MGST1: variants seen among roughly 807,000 people sequenced by gnomAD.
MGST1 encodes microsomal glutathione S-transferase 1.
Under a neutral mutation model 8.9 loss-of-function variants are expected in MGST1, and 5 were observed. That is an observed-to-expected ratio of 0.56 (90% CI 0.29 to 1.19). The LOEUF is 1.19. MGST1 is among the 50% of genes most tolerant of loss of function. MGST1 has a pLI of 0.08. For synonymous variants in MGST1, 54 were observed against 67.8 expected, an observed-to-expected ratio of 0.80 and a Z score of 1.00; for missense variants, 182 against 187.4, an observed-to-expected ratio of 0.97 and a Z score of 0.17.
In MGST1 at chr12:16,584,628, G is replaced by A. The variant is rs1403445665; in HGVS notation, n.483-4900G>A. Among the ~76,000 whole-genome samples the A allele has an allele frequency of 6.6e-6, 1 of 152,128 alleles. No individual in the cohort carries two copies. The highest frequency in any genetic ancestry group is 6.6e-5 in the Admixed American group (1 of 15,254). ...TGTTTAGAGGTGGATGGCCTCAGAT[G>A]TCTTAGCTTTGGCACAGTGAGGGTC... On this transcript the variant is annotated intron_variant and non_coding_transcript_variant, in intron 4 of 4. Transcript: ENST00000538857. This position sits in a 1 kb window ranked among gnomAD's most constrained non-coding sequence, Gnocchi z 5.2.
intron 4 of MGST1, among the ~76,000 whole-genome samples, chr12:16,553,423 A>C (rs992974055): frequency 2.0e-5 from 3 of 152,128 alleles, no homozygotes; most frequent in African/African-American, 7.2e-5. Context: ...CATAACTTTA[A>C]AAAAGTCTGC....
intron 4 of MGST1, among the ~76,000 whole-genome samples, chr12:16,478,228 C>T (rs1464189643): frequency 6.6e-6 from 1 of 152,120 alleles, no homozygotes; most frequent in African/African-American, 2.4e-5. Context: ...CGGGGTTTCA[C>T]CATGTTGGCC....
chr12:16,521,359 G>T (rs569120835), intron 4 of MGST1, among the ~76,000 whole-genome samples: 4 of 152,120 alleles, frequency 2.6e-5, no homozygotes, highest in African/African-American at 9.6e-5. Context: ...AAAAATGACC[G>T]TTTATTGAAA....
chr12:16,369,181 C>T (rs531256063), downstream of MGST1, among the ~76,000 whole-genome samples: 57 of 152,228 alleles, frequency 3.7e-4, no homozygotes, highest in Admixed American at 1.1e-3. This position sits in a 1 kb window ranked among gnomAD's most constrained non-coding sequence, Gnocchi z 4.8. Flanking sequence ...TCTTGAGTCT[C>T]GAGGCTTTCT....
At chr12:16,578,049 T>C (rs562883862) in intron 4 of MGST1, among the ~76,000 whole-genome samples, 4 of 152,306 alleles carry the variant, frequency 2.6e-5, no homozygotes, top group African/African-American at 9.6e-5. Context: ...CAGTCCTCAG[T>C]AGGCAACAAC....
chr12:16,508,757 A>G (rs1297001621), intron 4 of MGST1, among the ~76,000 whole-genome samples: 1 of 152,212 alleles, frequency 6.6e-6, no homozygotes, highest in African/African-American at 2.4e-5. Flanking sequence ...TGTAGTGAAA[A>G]CTTCAGACAA....
intron 4 of MGST1, among the ~76,000 whole-genome samples, chr12:16,465,582 G>A (rs1941248355): frequency 1.3e-5 from 2 of 152,086 alleles, no homozygotes; most frequent in Admixed American, 6.6e-5. Context: ...TAGGTTGCAC[G>A]CTCCTTATAA....
chr12:16,554,679 T>A (rs1045688928), intron 4 of MGST1, among the ~76,000 whole-genome samples: 11 of 152,180 alleles, frequency 7.2e-5, no homozygotes, highest in Non-Finnish European at 1.6e-4. Flanking sequence ...ATGCTCTTAG[T>A]CAGAAAATAA....
chr12:16,427,007 T>C (rs1459598804), intron 1 of MGST1, among the ~76,000 whole-genome samples: 2 of 151,542 alleles, frequency 1.3e-5, no homozygotes, highest in East Asian at 3.9e-4. Context: ...AACAGAATTA[T>C]ATTCATTCAT....
intron 4 of MGST1, among the ~76,000 whole-genome samples, chr12:16,501,982 A>T (rs1455240532): frequency 6.6e-6 from 1 of 152,178 alleles, no homozygotes; most frequent in Non-Finnish European, 1.5e-5. Context: ...AACTTTATCA[A>T]TATTTAAACA....
chr12:16,385,758 A>C lies in MGST1; in HGVS notation n.778+2154A>C, dbSNP rs1940499477. 4.0e-5 allele frequency among the ~76,000 whole-genome samples: 6 copies of C among 148,294 alleles called. No homozygotes were observed. The Admixed American group carries it at 4.1e-4, about 10-fold the overall frequency. ...ATTTGTCTTTGGCACGATACTGTGGAGCTCACAAGTAACTCTCATTAAGAG... is the reference window on the plus strand; with the variant it reads ...ATTTGTCTTTGGCACGATACTGTGGCGCTCACAAGTAACTCTCATTAAGAG... On this transcript the variant is annotated intron_variant and non_coding_transcript_variant, in intron 1 of 1. Coordinates refer to the MGST1 transcript ENST00000359720.
At chr12:16,463,498 G>A (rs897028644) in intron 4 of MGST1, among the ~76,000 whole-genome samples, 2 of 151,940 alleles carry the variant, frequency 1.3e-5, no homozygotes, top group African/African-American at 4.8e-5. Flanking sequence ...TAATACCTAG[G>A]TGATGGGATG....
intron 4 of MGST1, among the ~76,000 whole-genome samples, chr12:16,521,605 A>G (rs1434090815): frequency 6.6e-6 from 1 of 152,118 alleles, no homozygotes; most frequent in Non-Finnish European, 1.5e-5. Flanking sequence ...TCTTAGGCAA[A>G]GTTTTCAAAA....
chr12:16,378,588 C>T (rs1336562147), downstream of MGST1, among the ~76,000 whole-genome samples: 6 of 150,428 alleles, frequency 4.0e-5, no homozygotes, highest in African/African-American at 1.5e-4. Flanking sequence ...CATGATGCCT[C>T]CAGCTTTGTT....
rs1220461609 is a variant in MGST1 at position 16,444,203 on chromosome 12, T to G, written n.482+60599T>G. Among the ~76,000 whole-genome samples, 63 of 146,312 alleles carry G rather than the reference T, an allele frequency of 4.3e-4. 1 individual carries two copies. The highest frequency in any genetic ancestry group is 6.9e-4 in the Non-Finnish European group (46 of 66,500). ...ATTTGGTTTTTTTTTTTTTTTTTTT[T>G]GTCTACTTGGATTTTTAGTGCACCT... On this transcript the variant is annotated intron_variant and non_coding_transcript_variant, in intron 4 of 4. Transcript: ENST00000538857.
intron 4 of MGST1, chr12:16,551,232 T>G: frequency 6.2e-7 from 1 of 1,600,956 alleles, no homozygotes; most frequent in Non-Finnish European, 8.6e-7. Flanking sequence ...TCAGCGAACC[T>G]GGGGTGCATA....
rs1005352228 is a variant in MGST1 at position 16,503,361 on chromosome 12, A to G, written n.483-86167A>G. Among the ~76,000 whole-genome samples, 7 of 151,702 alleles carry G rather than the reference A, an allele frequency of 4.6e-5. No homozygotes were observed. The highest frequency in any genetic ancestry group is 1.5e-4 in the African/African-American group (6 of 41,302). Reference sequence around the variant, plus strand: ...TAAATGTTATTTTTTCCTTTCTTTTATGTTTTATTTCCAATATTTGTTCTC... The same window carrying G: ...TAAATGTTATTTTTTCCTTTCTTTTGTGTTTTATTTCCAATATTTGTTCTC... On this transcript the variant is annotated intron_variant and non_coding_transcript_variant, in intron 4 of 4. Coordinates refer to the MGST1 transcript ENST00000538857. This position sits in a 1 kb window ranked among gnomAD's most constrained non-coding sequence, Gnocchi z 4.8.
chr12:16,391,414 G>A (rs1940552230), intron 1 of MGST1, among the ~76,000 whole-genome samples: 1 of 151,152 alleles, frequency 6.6e-6, no homozygotes, highest in South Asian at 2.1e-4. Context: ...AGAACATGCA[G>A]TGTTTGGTTT....
intron 1 of MGST1, among the ~76,000 whole-genome samples, chr12:16,412,461 C>T (rs892828378): frequency 5.3e-5 from 8 of 152,150 alleles, no homozygotes; most frequent in Admixed American, 2.0e-4. Context: ...GCATAACAAG[C>T]ATTTAGAGAA....
Sources: allele counts gnomAD v4.1 joint callset (sites outside exome capture counted in the v4.1 genomes callset), GRCh38; gene constraint gnomAD v4.1.1; non-coding constraint Gnocchi (gnomAD v3.1); transcripts MANE v1.5; gene names NCBI Gene and HGNC (gene_info 2026-07-23, HGNC 2026-07-21).